The following CALCR variants were observed in gnomAD, a reference collection of about 807,000 sequenced individuals.
CALCR encodes the protein calcitonin receptor.
Under a neutral mutation model 59.5 loss-of-function variants are expected in CALCR, and 47 were observed. That is an observed-to-expected ratio of 0.79 (90% CI 0.63 to 1.01). The LOEUF is 1.01. Among genes scored for constraint, CALCR ranks in the 50% least tolerant of loss-of-function variants. CALCR has a pLI of 0.00. For synonymous variants in CALCR, 213 were observed against 211.3 expected (o/e 1.01, Z -0.07); for missense variants, 566 against 597.1 (o/e 0.95, Z 0.54).
chr7:93,441,859 C>T (rs976901889), intron 9 of CALCR, among the ~76,000 whole-genome samples: 49 of 152,280 alleles, frequency 3.2e-4, no homozygotes, highest in African/African-American at 1.2e-3. Context: ...GTGACAACAT[C>T]CCCCTCAATT....
chr7:93,482,210 G>GTGTT (rs1800813249), intron 3 of CALCR, among the ~76,000 whole-genome samples: 1 of 151,752 alleles, frequency 6.6e-6, no homozygotes, highest in South Asian at 2.1e-4. Context: ...ATGAATATGT[G>GTGTT]TGTTTTAAAA....
In CALCR at chr7:93,487,001, C is replaced by A; in HGVS notation, c.-20G>T. 6.4e-7 allele frequency: 1 copy of A among 1,551,410 alleles called. No individual in the cohort carries two copies. Among genetic ancestry groups the A allele is most frequent in the South Asian group, 1.1e-5 (1 of 88,210 alleles). On this transcript the variant is annotated 5_prime_UTR_variant, in exon 3 of 14. Coordinates refer to ENST00000426151, the MANE Select transcript of CALCR (RefSeq NM_001742.4). ...CCTCATTTTTGATTTTTGAAGATCT[C>A]TTTGTCCTAGAAAAATATAAAAGCA...
At chr7:93,426,611 T>A (rs773286958) in intron 13 of CALCR, 22 bp from the exon 14 acceptor site, 1 of 1,215,060 alleles carries the variant, frequency 8.2e-7, no homozygotes, top group Admixed American at 2.0e-5. Context: ...AAAGGAGCCT[T>A]GTTTTTATAT....
chr7:93,470,562 T>C (rs1380758773), intron 6 of CALCR, among the ~76,000 whole-genome samples: 1 of 151,658 alleles, frequency 6.6e-6, no homozygotes, highest in Non-Finnish European at 1.5e-5. Flanking sequence ...AAACATTTGT[T>C]CTTCTGAAAT....
chr7:93,450,487 CTCTTT>C (rs1202475141), intron 8 of CALCR, among the ~76,000 whole-genome samples: 1 of 151,996 alleles, frequency 6.6e-6, no homozygotes, highest in Non-Finnish European at 1.5e-5. Flanking sequence ...TCTTCTCTGA[CTCTTT>C]TCTTTTTGAG....
chr7:93,546,699 C>T (rs955617252), intron 2 of CALCR, among the ~76,000 whole-genome samples: 6 of 151,128 alleles, frequency 4.0e-5, no homozygotes, highest in African/African-American at 9.7e-5. Context: ...ACAACAGGCA[C>T]GCATGACCAC....
rs117154929 is a variant in CALCR, at chr7:93,525,444, C to G, written c.-26-38437G>C. The stretch of plus-strand genomic sequence containing the variant: ...CAAACTAACAGCATGAAATACTTAT[C>G]CCATCAATGGCAGAGAATTGTTGAG... On this transcript the variant is annotated intron_variant, in intron 2 of 13. Coordinates refer to ENST00000426151, the MANE Select transcript of CALCR (RefSeq NM_001742.4). Among the ~76,000 whole-genome samples the G allele has an allele frequency of 8.3e-4, 126 of 152,172 alleles. 1 individual carries two copies. The East Asian group carries it at 0.016, about 19-fold the overall frequency.
intron 2 of CALCR, among the ~76,000 whole-genome samples, chr7:93,572,590 C>T (rs10237272): frequency 0.62 from 94,683 of 151,954 alleles, 31,262 homozygotes; most frequent in African/African-American, 0.86. Flanking sequence ...GATAATATTT[C>T]CATTCATGTT....
intron 2 of CALCR, among the ~76,000 whole-genome samples, chr7:93,525,310 A>G (rs1801854029): frequency 6.6e-6 from 1 of 152,190 alleles, no homozygotes; most frequent in Admixed American, 6.5e-5. Flanking sequence ...CAATTATTAA[A>G]AAGATTTTTT....
chr7:93,437,832 T>TTA (rs1799812550), intron 11 of CALCR, among the ~76,000 whole-genome samples: 1 of 152,164 alleles, frequency 6.6e-6, no homozygotes, highest in Non-Finnish European at 1.5e-5. Context: ...TACATTGCTA[T>TTA]TATAGTGTGA....
At chr7:93,503,716 A>T (rs1361203829) in intron 2 of CALCR, among the ~76,000 whole-genome samples, 14 of 152,170 alleles carry the variant, frequency 9.2e-5, no homozygotes, top group Admixed American at 7.9e-4. Flanking sequence ...ATAGTAGGGG[A>T]AAGAGGGAGG....
chr7:93,482,362 T>C (rs993014928), intron 3 of CALCR, among the ~76,000 whole-genome samples: 1 of 151,874 alleles, frequency 6.6e-6, no homozygotes, highest in African/African-American at 2.4e-5. Flanking sequence ...AATATGAGAA[T>C]GATCATTTGA....
At chr7:93,436,250 T>C (rs1251337394) in intron 11 of CALCR, 80 bp from the exon 12 acceptor site, 3 of 1,185,810 alleles carry the variant, frequency 2.5e-6, no homozygotes, top group Non-Finnish European at 1.2e-6. Flanking sequence ...TTCTTGTTTA[T>C]CCAGTGTGAG....
intron 2 of CALCR, among the ~76,000 whole-genome samples, chr7:93,571,512 T>C (rs762480371): frequency 1.3e-5 from 2 of 152,046 alleles, no homozygotes; most frequent in Non-Finnish European, 2.9e-5. Flanking sequence ...ACCGAGAAGT[T>C]ACATTATGTG....
intron 8 of CALCR, among the ~76,000 whole-genome samples, chr7:93,446,918 A>C (rs1195252358): frequency 6.6e-6 from 1 of 152,082 alleles, no homozygotes; most frequent in East Asian, 1.9e-4. Flanking sequence ...CTTGAAGCCA[A>C]AAATAGATAA....
At chr7:93,527,818 G>A (rs1788709930) in intron 2 of CALCR, among the ~76,000 whole-genome samples, 2 of 152,124 alleles carry the variant, frequency 1.3e-5, no homozygotes, top group Admixed American at 1.3e-4. Context: ...CATTATGTAG[G>A]CTTGATTTAG....
In CALCR at chr7:93,458,579, A is replaced by C. The variant is rs552756980; in HGVS notation, c.648+2242T>G. Among the ~76,000 whole-genome samples the C allele has an allele frequency of 4.6e-5, 7 of 152,278 alleles. No individual in the cohort carries two copies. In the South Asian group the frequency reaches 1.2e-3, roughly 27 times the overall value. ...CTGGTTGAGCTCAGCTATGGGGACC[A>C]TCAGTAGAGACTGGAATATGAGAGT... On this transcript the variant is annotated intron_variant, in intron 8 of 13. Coordinates refer to ENST00000426151, the MANE Select transcript of CALCR (RefSeq NM_001742.4).
rs115720470 is a variant in CALCR at position 93,501,691 on chromosome 7, C to T, written c.-26-14684G>A. Among the ~76,000 whole-genome samples the T allele has an allele frequency of 4.3e-3, 658 of 152,164 alleles. 8 individuals are homozygous for T. The highest frequency in any genetic ancestry group is 0.015 in the African/African-American group (630 of 41,542). On this transcript the variant is annotated intron_variant, in intron 2 of 13. Transcript: ENST00000426151. Reference sequence around the variant, plus strand: ...CTCACCTCTCTCTGGTGGTAGTACGCATTCAGTGATAGGAGCTAAAGGACG... The same window carrying T: ...CTCACCTCTCTCTGGTGGTAGTACGTATTCAGTGATAGGAGCTAAAGGACG...
intron 2 of CALCR, among the ~76,000 whole-genome samples, chr7:93,523,360 C>T (rs1397513894): frequency 6.6e-6 from 1 of 152,130 alleles, no homozygotes; most frequent in Non-Finnish European, 1.5e-5. Context: ...TTGAAATAGA[C>T]TAGTGATAAA....
Sources: gnomAD v4.1 joint callset for allele counts (sites outside exome capture counted in the v4.1 genomes callset) on GRCh38, gnomAD v4.1.1 for gene constraint, MANE v1.5 for transcripts, NCBI Gene and HGNC (gene_info 2026-07-23, HGNC 2026-07-21) for gene names.